Variants in WDPCP observed in about 807,000 individuals in gnomAD.
The protein encoded by WDPCP is WD repeat containing planar cell polarity effector, also known as WD repeat-containing and planar cell polarity effector protein fritz homolog.
In WDPCP, 71 loss-of-function variants were observed where a neutral mutation model predicts 93.1. The ratio of observed to expected loss-of-function variants is 0.76; its 90% CI spans 0.63 to 0.93. The LOEUF (loss-of-function observed/expected upper bound fraction) is 0.93. Ranked by LOEUF, WDPCP falls within the 40% of genes least tolerant of loss-of-function variation. WDPCP has a pLI of 0.00. For missense variants in WDPCP, 844 were observed against 887.4 expected, an observed-to-expected ratio of 0.95 and a Z score of 0.62; for synonymous variants, 315 against 315.0, an observed-to-expected ratio of 1.00 and a Z score of 0.00.
Position 63,554,677 on chromosome 2 carries a change from T to C in WDPCP, c.75+33520A>G, listed in dbSNP as rs187063105. On this transcript the variant is annotated intron_variant, in intron 1 of 17. Coordinates refer to ENST00000272321, the MANE Select transcript of WDPCP (RefSeq NM_015910.7). ...CAAAAAAAAAAAAGATTAATAAATA[T>C]TTTGTGGGCAGATATTATGAAATTA... Among the ~76,000 whole-genome samples the C allele has an allele frequency of 5.8e-4, 88 of 152,252 alleles. 2 individuals are homozygous for C. In the East Asian group the frequency reaches 0.015, roughly 27 times the overall value.
rs920769484 is a variant in WDPCP at position 63,274,243 on chromosome 2, A to T, written c.1813-14834T>A. 2.6e-5 allele frequency among the ~76,000 whole-genome samples: 4 copies of T among 152,296 alleles called. No individual in the cohort carries two copies. The East Asian group carries it at 7.7e-4, about 29-fold the overall frequency. On this transcript the variant is annotated intron_variant, in intron 13 of 17. Coordinates refer to ENST00000272321, the MANE Select transcript of WDPCP (RefSeq NM_015910.7). ...GGGAAATTAAACAATATGTTCCTCA[A>T]TGACCCCTGAATCAAATAAGAAATT...
At chr2:63,791,464 A>C (rs1282217613) in intron 2 of WDPCP, among the ~76,000 whole-genome samples, 1 of 152,130 alleles carries the variant, frequency 6.6e-6, no homozygotes, top group African/African-American at 2.4e-5. Flanking sequence ...AAAAGACTGA[A>C]TCCTGCTTTT....
At chr2:63,686,318 G>T (rs1668803663) in intron 2 of WDPCP, among the ~76,000 whole-genome samples, 1 of 152,012 alleles carries the variant, frequency 6.6e-6, no homozygotes. Context: ...ATCTGAAAAA[G>T]AAATCAAGAG....
chr2:63,466,390 T>C (rs570018758), intron 6 of WDPCP, among the ~76,000 whole-genome samples: 1 of 152,158 alleles, frequency 6.6e-6, no homozygotes, highest in African/African-American at 2.4e-5. Context: ...ATTAGTTACA[T>C]TGACATATAT....
chr2:63,839,181 G>T, the WDPCP span, among the ~76,000 whole-genome samples: 1 of 152,216 alleles, frequency 6.6e-6, no homozygotes, highest in Non-Finnish European at 1.5e-5. Context: ...TGCTCTTGCT[G>T]CAATTAAAAC....
intron 14 of WDPCP, among the ~76,000 whole-genome samples, chr2:63,248,347 A>T (rs1360121615): frequency 6.6e-6 from 1 of 152,146 alleles, no homozygotes; most frequent in African/African-American, 2.4e-5. Context: ...CTTGTATATG[A>T]TGAGTTTATT....
intron 10 of WDPCP, among the ~76,000 whole-genome samples, chr2:63,391,707 C>T (rs1693265137): frequency 1.3e-5 from 2 of 152,160 alleles, no homozygotes; most frequent in Admixed American, 1.3e-4. Context: ...GATACAAAAT[C>T]AATGTGCAAA....
intron 1 of WDPCP, among the ~76,000 whole-genome samples, chr2:63,575,572 AACTAAAGATCTCTTATT>A (rs1708051671): frequency 1.4e-5 from 2 of 144,662 alleles, no homozygotes; most frequent in African/African-American, 5.0e-5. Flanking sequence ...TATACTATAT[AACTAAAGATCTCTTATT>A]TACTATAGTA....
intron 3 of WDPCP, among the ~76,000 whole-genome samples, chr2:63,631,662 A>G (rs1234374230): frequency 1.3e-5 from 2 of 152,232 alleles, no homozygotes; most frequent in Non-Finnish European, 2.9e-5. Context: ...GATAATAACC[A>G]TACAGAAAAG....
intron 9 of WDPCP, among the ~76,000 whole-genome samples, chr2:63,406,033 A>G (rs1350914165): frequency 6.6e-6 from 1 of 152,122 alleles, no homozygotes; most frequent in East Asian, 1.9e-4. Flanking sequence ...GTACAGAAAG[A>G]GCATTTACTG....
At chr2:63,817,475 A>T (rs953396499) in intron 1 of WDPCP, among the ~76,000 whole-genome samples, 2 of 152,176 alleles carry the variant, frequency 1.3e-5, no homozygotes, top group African/African-American at 4.8e-5. Context: ...AAACCAAAAC[A>T]ACAAACAGCA....
At chr2:63,573,387 T>C (rs1043836203) in intron 1 of WDPCP, among the ~76,000 whole-genome samples, 3 of 152,236 alleles carry the variant, frequency 2.0e-5, no homozygotes, top group African/African-American at 7.2e-5. Flanking sequence ...GAAGATTTCA[T>C]GGACATTTAT....
At chr2:63,776,723 T>C (rs371928339) in intron 2 of WDPCP, among the ~76,000 whole-genome samples, 3 of 150,424 alleles carry the variant, frequency 2.0e-5, no homozygotes, top group East Asian at 3.9e-4. Context: ...TTCAACATCA[T>C]TAGTTGTTAG....
intron 2 of WDPCP, among the ~76,000 whole-genome samples, chr2:63,703,079 C>A (rs1297375860): frequency 6.6e-6 from 1 of 152,120 alleles, no homozygotes; most frequent in Non-Finnish European, 1.5e-5. Flanking sequence ...GCATAGTATT[C>A]CATGGTGTAT....
upstream of WDPCP, among the ~76,000 whole-genome samples, chr2:63,589,766 T>C (rs1402359816): frequency 6.6e-6 from 1 of 152,320 alleles, no homozygotes; most frequent in East Asian, 1.9e-4. Flanking sequence ...CTCCATCGCT[T>C]GTCTCTGCTG....
At chr2:63,136,997 T>A (rs980261619) in intron 17 of WDPCP, among the ~76,000 whole-genome samples, 1 of 152,218 alleles carries the variant, frequency 6.6e-6, no homozygotes. Flanking sequence ...TCTTTGCTAT[T>A]GTGACTAGTG....
chr2:63,550,024 C>CT (rs143037802), intron 1 of WDPCP, among the ~76,000 whole-genome samples: 2,446 of 151,996 alleles, frequency 0.016, 84 homozygotes, highest in African/African-American at 0.056. Context: ...TCCTTCCGCT[C>CT]TGTCTTAAAC....
intron 1 of WDPCP, chr2:63,518,283 G>C (rs1048023821): frequency 6.6e-6 from 1 of 152,466 alleles, no homozygotes; most frequent in African/African-American, 2.4e-5. Flanking sequence ...ATGGCACTGG[G>C]AGTGGACAGA....
chr2:63,163,471 G>A (rs1672765380), intron 15 of WDPCP, among the ~76,000 whole-genome samples: 2 of 152,254 alleles, frequency 1.3e-5, no homozygotes, highest in South Asian at 4.1e-4. Context: ...ACAGTTTTAT[G>A]TAATATACAT....
Sources: gnomAD v4.1 joint callset for allele counts (sites outside exome capture counted in the v4.1 genomes callset) on GRCh38, gnomAD v4.1.1 for gene constraint, MANE v1.5 for transcripts, NCBI Gene and HGNC (gene_info 2026-07-23, HGNC 2026-07-21) for gene names.